The following CHRDL1 variants were observed in gnomAD, a reference collection of about 807,000 sequenced individuals.
The protein encoded by CHRDL1 is chordin-like protein 1.
CHRDL1 carries 19 observed loss-of-function variants against 40.9 expected under a neutral mutation model. The ratio of observed to expected loss-of-function variants is 0.46; its 90% CI spans 0.32 to 0.68. The LOEUF is 0.68. Ranked by LOEUF, CHRDL1 falls within the 30% of genes least tolerant of loss-of-function variation. The pLI is 0.03. For missense variants in CHRDL1, 329 were observed against 352.1 expected (o/e 0.93, Z 0.53); for synonymous variants, 136 against 123.4 (o/e 1.10, Z -0.68).
chrX:110,721,298 G>T, intron 5 of CHRDL1, 87 bp downstream of exon 5: 1 of 903,071 alleles, frequency 1.1e-6, no homozygotes, highest in Non-Finnish European at 1.6e-6. Context: ...ACACCTTACA[G>T]TGCAGGCACA....
chrX:110,688,923 T>C, intron 8 of CHRDL1, 120 bp from the exon 9 acceptor site: 1 of 529,826 alleles, frequency 1.9e-6, no homozygotes, highest in Non-Finnish European at 3.1e-6. Context: ...GTCATAGCCA[T>C]GGGGCTATGT....
intron 6 of CHRDL1, among the ~76,000 whole-genome samples, chrX:110,718,884 G>C (rs776053833): frequency 8.9e-6 from 1 of 111,746 alleles, no homozygotes; most frequent in African/African-American, 3.2e-5. Flanking sequence ...TTGTTGTGTA[G>C]GTTGTGTGCT....
chrX:110,709,033 A>T (rs2070698697), intron 6 of CHRDL1, among the ~76,000 whole-genome samples: 1 of 112,188 alleles, frequency 8.9e-6, no homozygotes, highest in African/African-American at 3.2e-5. Flanking sequence ...AACAGTTTGG[A>T]TTCAAATTCT....
chrX:110,687,646 C>T (rs748072290), intron 9 of CHRDL1, among the ~76,000 whole-genome samples: 37 of 111,553 alleles, frequency 3.3e-4, no homozygotes, highest in Non-Finnish European at 6.2e-4. Context: ...ATCGACTCTT[C>T]GAATGTTGGA....
intron 4 of CHRDL1, among the ~76,000 whole-genome samples, chrX:110,730,684 C>T (rs1400318365): frequency 9.0e-6 from 1 of 110,699 alleles, no homozygotes; most frequent in African/African-American, 3.3e-5. Context: ...CTGGGATCAA[C>T]TGATCTTCTT....
At chrX:110,786,106 T>C (rs1462000979) in intron 2 of CHRDL1, among the ~76,000 whole-genome samples, 5 of 112,167 alleles carry the variant, frequency 4.5e-5, no homozygotes, top group African/African-American at 1.6e-4. Context: ...TTGAGTGGGT[T>C]AGAGGTGGGA....
intron 8 of CHRDL1, among the ~76,000 whole-genome samples, chrX:110,691,822 A>G (rs748737479): frequency 2.7e-5 from 3 of 111,824 alleles, no homozygotes; most frequent in African/African-American, 9.7e-5. Context: ...CAATGTTACA[A>G]TGAGACAAAA....
intron 2 of CHRDL1, among the ~76,000 whole-genome samples, chrX:110,766,495 G>C (rs760955086): frequency 9.0e-6 from 1 of 111,575 alleles, no homozygotes; most frequent in South Asian, 3.8e-4. Context: ...TAACCTCACT[G>C]AGAAACAAAA....
intron 3 of CHRDL1, among the ~76,000 whole-genome samples, chrX:110,760,064 T>A (rs1199200696): frequency 8.9e-6 from 1 of 111,975 alleles, no homozygotes; most frequent in African/African-American, 3.2e-5. Context: ...CAGCTCTAGC[T>A]GCATGTCTTT....
At position 110,681,555 on chromosome X, in the gene CHRDL1, C is replaced by G; in HGVS notation, c.1083G>C (p.Glu361Asp). 1 of 1,204,392 alleles carries G rather than the reference C, an allele frequency of 8.3e-7. No individual in the cohort carries two copies. Among genetic ancestry groups the G allele is most frequent in the Non-Finnish European group, 1.1e-6 (1 of 888,967 alleles). ...TCTCCAGTGCTATTTTTCTGGTTGT[C>G]TCCCCATCCTCCATGAATACAGACT... ...VYESVFMEDG[E>D]TTRKIALETE... Residue 361 changes from glutamate (E) to aspartate (D), a missense_variant, in exon 10 of 12, where the codon GAG becomes GAC. Coordinates refer to ENST00000372042, the MANE Select transcript of CHRDL1 (RefSeq NM_001143981.2).
intron 8 of CHRDL1, among the ~76,000 whole-genome samples, chrX:110,691,930 T>G (rs2070287483): frequency 9.1e-6 from 1 of 110,134 alleles, no homozygotes; most frequent in Non-Finnish European, 1.9e-5. Context: ...TACCTCTTTT[T>G]TTTTTTTTCT....
chrX:110,697,961 TTTTTAC>T (rs2070434626), intron 7 of CHRDL1, among the ~76,000 whole-genome samples: 1 of 109,645 alleles, frequency 9.1e-6, no homozygotes, highest in Non-Finnish European at 1.9e-5. Flanking sequence ...CTGTTTCAGG[TTTTTAC>T]AAAGGAGTCA....
chrX:110,737,697 T>TCCACACCC (rs1353498053), intron 4 of CHRDL1, among the ~76,000 whole-genome samples: 2 of 111,980 alleles, frequency 1.8e-5, no homozygotes, highest in East Asian at 5.6e-4. Flanking sequence ...ATGGCCTGAG[T>TCCACACCC]CCACACCCCA....
rs777228710 is a variant in CHRDL1, at chrX:110,679,344, G to C, written c.1238C>G (p.Thr413Arg). 1.0e-5 allele frequency: 12 copies of C among 1,192,153 alleles called. No homozygotes were observed. Among genetic ancestry groups the C allele is most frequent in the Non-Finnish European group, 1.3e-5 (11 of 878,830 alleles). Residue 413 changes from threonine to arginine, a missense_variant, in exon 11 of 12, where the codon ACA becomes AGA. Transcript: ENST00000372042. The stretch of plus-strand genomic sequence containing the variant: ...AGAGAAGTACTACTTACTCAGGGTT[G>C]TTCTGGTCACCAGCTTGAAGTGAGG... ...ELPHFKLVTR[T>R]TLSQWKIFTE... is the part of the protein sequence containing the mutation.
chrX:110,790,725 G>A (rs1351467107), intron 2 of CHRDL1, among the ~76,000 whole-genome samples: 1 of 109,711 alleles, frequency 9.1e-6, no homozygotes, highest in Non-Finnish European at 1.9e-5. Context: ...AGCTGAGAAT[G>A]CATGGATGCT....
chrX:110,686,042 G>A (rs773743201), intron 9 of CHRDL1, among the ~76,000 whole-genome samples: 2 of 109,239 alleles, frequency 1.8e-5, no homozygotes, highest in Admixed American at 9.8e-5. Flanking sequence ...CAGGAGGTAC[G>A]TGCCACCATA....
At chrX:110,746,513 G>T (rs2089256321) in intron 4 of CHRDL1, among the ~76,000 whole-genome samples, 1 of 111,460 alleles carries the variant, frequency 9.0e-6, no homozygotes, top group African/African-American at 3.3e-5. Flanking sequence ...CAGCATTATT[G>T]TGCGGCATAC....
chrX:110,768,254 G>A (rs1163546457), intron 2 of CHRDL1, among the ~76,000 whole-genome samples: 1 of 112,076 alleles, frequency 8.9e-6, no homozygotes, highest in Non-Finnish European at 1.9e-5. Context: ...AGCACTGTCA[G>A]GCAATATGCT....
rs187269642 is a variant in CHRDL1, at chrX:110,697,663, C to A, written c.609+2991G>T. Among the ~76,000 whole-genome samples the A allele has an allele frequency of 1.2e-3, 132 of 109,507 alleles. 1 individual carries two copies. Among genetic ancestry groups the A allele is most frequent in the African/African-American group, 4.1e-3 (124 of 29,953 alleles). ...TGTTTCATGTCGTTTCTATCCCAAA[C>A]GCTTTCACTTTTTTTAATGGTAAAT... On this transcript the variant is annotated intron_variant, in intron 7 of 11. Transcript: ENST00000372042.
Sources: allele counts gnomAD v4.1 joint callset (sites outside exome capture counted in the v4.1 genomes callset), GRCh38; gene constraint gnomAD v4.1.1; transcripts MANE v1.5; gene names NCBI Gene and HGNC (gene_info 2026-07-23, HGNC 2026-07-21).